The following PRKN variants were observed in gnomAD, a reference collection of about 807,000 sequenced individuals.
PRKN encodes the protein E3 ubiquitin-protein ligase parkin.
PRKN carries 56 observed loss-of-function variants against 59.5 expected under a neutral mutation model. That is an observed-to-expected ratio of 0.94 (90% CI 0.76 to 1.18). The LOEUF (loss-of-function observed/expected upper bound fraction) is 1.18. Ranked by LOEUF, PRKN falls within the 50% of genes most tolerant of loss-of-function variation. The probability of loss-of-function intolerance (pLI) is 0.00; values close to 1 mark genes in which losing one functional copy is unlikely to be tolerated. For synonymous variants in PRKN, 250 were observed against 222.1 expected (o/e 1.13, Z -1.12); for missense variants, 657 against 596.4 (o/e 1.10, Z -1.06).
intron 1 of PRKN, among the ~76,000 whole-genome samples, chr6:162,672,568 T>G (rs1034026003): frequency 6.6e-6 from 1 of 152,174 alleles, no homozygotes; most frequent in African/African-American, 2.4e-5. Context: ...ATATTATATT[T>G]AAAAACAAAT....
At chr6:162,337,097 A>T (rs1392218955) in intron 2 of PRKN, among the ~76,000 whole-genome samples, 1 of 152,220 alleles carries the variant, frequency 6.6e-6, no homozygotes, top group Non-Finnish European at 1.5e-5. Context: ...CAAATATTGA[A>T]TTAGTAAACT....
At chr6:162,078,965 CAA>C (rs1213893788) in intron 4 of PRKN, among the ~76,000 whole-genome samples, 11 of 152,190 alleles carry the variant, frequency 7.2e-5, no homozygotes, top group African/African-American at 2.7e-4. Context: ...CACAAAATCA[CAA>C]AGTCTTACGT....
intron 5 of PRKN, among the ~76,000 whole-genome samples, chr6:162,028,894 C>T (rs1018772824): frequency 6.6e-6 from 1 of 152,170 alleles, no homozygotes; most frequent in South Asian, 2.1e-4. Context: ...ATGTGGAAAC[C>T]AAAGAGAAGA....
At chr6:162,400,215 A>T (rs187881716) in intron 2 of PRKN, among the ~76,000 whole-genome samples, 4 of 151,810 alleles carry the variant, frequency 2.6e-5, no homozygotes, top group Non-Finnish European at 5.9e-5. Context: ...TCAAGAAAAA[A>T]ACAAACAAAC....
At chr6:162,222,762 C>T (rs1777990521) in intron 3 of PRKN, among the ~76,000 whole-genome samples, 1 of 152,112 alleles carries the variant, frequency 6.6e-6, no homozygotes, top group Admixed American at 6.5e-5. Flanking sequence ...AAAGCCACTG[C>T]ACTAGTAGTA....
chr6:161,656,829 TC>T (rs1389203550), intron 7 of PRKN, among the ~76,000 whole-genome samples: 1 of 152,128 alleles, frequency 6.6e-6, no homozygotes, highest in African/African-American at 2.4e-5. Context: ...TTATTGTATA[TC>T]CCCCTACCTC....
chr6:162,112,239 G>A (rs1780470612), intron 4 of PRKN, among the ~76,000 whole-genome samples: 1 of 152,136 alleles, frequency 6.6e-6, no homozygotes, highest in Non-Finnish European at 1.5e-5. Context: ...AAATATTGTG[G>A]TAACATTCTT....
At chr6:162,337,553 AAC>A (rs1783897888) in intron 2 of PRKN, among the ~76,000 whole-genome samples, 1 of 152,192 alleles carries the variant, frequency 6.6e-6, no homozygotes, top group South Asian at 2.1e-4. Flanking sequence ...GGGATTTGAG[AAC>A]ACAGAGAGAG....
At chr6:162,096,462 G>A (rs1029362388) in intron 4 of PRKN, among the ~76,000 whole-genome samples, 11 of 152,110 alleles carry the variant, frequency 7.2e-5, no homozygotes, top group African/African-American at 1.7e-4. Flanking sequence ...AGGACTAACC[G>A]TACTATAGCT....
chr6:162,134,483 G>A (rs1351252634), intron 4 of PRKN, among the ~76,000 whole-genome samples: 1 of 152,160 alleles, frequency 6.6e-6, no homozygotes, highest in East Asian at 1.9e-4. Flanking sequence ...TCAGAGCTAG[G>A]GAGGTGGCCA....
At chr6:162,470,299 G>C (rs1583627615) in intron 1 of PRKN, among the ~76,000 whole-genome samples, 1 of 152,160 alleles carries the variant, frequency 6.6e-6, no homozygotes, top group East Asian at 1.9e-4. Context: ...GCTTGCTATG[G>C]CTAGGCGCTG....
intron 1 of PRKN, among the ~76,000 whole-genome samples, chr6:162,639,536 T>A (rs893658973): frequency 6.6e-6 from 1 of 152,158 alleles, no homozygotes; most frequent in East Asian, 1.9e-4. Context: ...TTTTAAATCA[T>A]CTTTTCCACC....
In PRKN at chr6:161,467,301, G is replaced by A. The variant is rs371112399; in HGVS notation, c.1084-80424C>T. The stretch of plus-strand genomic sequence containing the variant: ...CAGTAAATATTATTGAGAGTGGACT[G>A]TGTGCCTGGCACTGTGCGGTGAATT... On this transcript the variant is annotated intron_variant, in intron 9 of 11. Transcript: ENST00000366898. The surrounding 1 kb of genome is among the most constrained non-coding windows in gnomAD (Gnocchi z 4.3). Among the ~76,000 whole-genome samples the A allele has an allele frequency of 6.6e-6, 1 of 152,014 alleles. No individual in the cohort carries two copies. The highest frequency in any genetic ancestry group is 2.1e-4 in the South Asian group (1 of 4,780).
intron 1 of PRKN, among the ~76,000 whole-genome samples, chr6:162,492,474 C>T (rs1384282956): frequency 3.3e-5 from 5 of 152,126 alleles, no homozygotes; most frequent in African/African-American, 1.2e-4. Context: ...AAAGAAATGT[C>T]CTGTCTGGCC....
At chr6:162,591,292 T>TA (rs995116940) in intron 1 of PRKN, among the ~76,000 whole-genome samples, 84 of 152,276 alleles carry the variant, frequency 5.5e-4, no homozygotes, top group African/African-American at 1.9e-3. Context: ...TAGTATCATC[T>TA]AAACTGGCCA....
rs550117783 is a variant in PRKN at position 162,008,891 on chromosome 6, C to T, written c.619-35474G>A. Among the ~76,000 whole-genome samples, 94 of 150,514 alleles carry T rather than the reference C, an allele frequency of 6.2e-4. 1 individual carries two copies. The highest frequency in any genetic ancestry group is 3.4e-3 in the Middle Eastern group (1 of 294). On this transcript the variant is annotated intron_variant, in intron 5 of 11. Transcript: ENST00000366898. ...AACAGTCTTTGAGAACCAAAGGAATCTGGCTGGATACCCTTGTAAGAGTTA... is the reference window on the plus strand; with the variant it reads ...AACAGTCTTTGAGAACCAAAGGAATTTGGCTGGATACCCTTGTAAGAGTTA...
chr6:162,545,637 G>A (rs1404760823), intron 1 of PRKN, among the ~76,000 whole-genome samples: 1 of 152,108 alleles, frequency 6.6e-6, no homozygotes, highest in Non-Finnish European at 1.5e-5. Flanking sequence ...TATTCTAATA[G>A]TATTTTTAAA....
chr6:161,785,105 A>G (rs1462450936), intron 7 of PRKN, among the ~76,000 whole-genome samples: 1 of 152,202 alleles, frequency 6.6e-6, no homozygotes, highest in Non-Finnish European at 1.5e-5. Flanking sequence ...GGGCTAGGAC[A>G]GGGGGTCACA....
In PRKN at chr6:161,977,586, G is replaced by A. The variant is rs1263263762; in HGVS notation, c.619-4169C>T. On this transcript the variant is annotated intron_variant, in intron 5 of 11. Coordinates refer to ENST00000366898, the MANE Select transcript of PRKN (RefSeq NM_004562.3). Reference sequence around the variant, plus strand: ...TTTTTAAGACAGAGTCTTTTCTGTCGCCCAGGCTGGAGCGCAGTGGCACGA... The same window carrying A: ...TTTTTAAGACAGAGTCTTTTCTGTCACCCAGGCTGGAGCGCAGTGGCACGA... Among the ~76,000 whole-genome samples the A allele has an allele frequency of 8.8e-5, 11 of 125,486 alleles. No individual in the cohort carries two copies. The East Asian group carries it at 9.2e-4, about 10-fold the overall frequency. The allele number at this position is 125,486 out of a possible 152,430, so 82.3% of individuals were successfully genotyped here.
Sources: allele counts gnomAD v4.1 joint callset (sites outside exome capture counted in the v4.1 genomes callset), GRCh38; gene constraint gnomAD v4.1.1; non-coding constraint Gnocchi (gnomAD v3.1); transcripts MANE v1.5; gene names NCBI Gene and HGNC (gene_info 2026-07-23, HGNC 2026-07-21).